The following EMID1 variants were observed in gnomAD, a reference collection of about 807,000 sequenced individuals.
The protein encoded by EMID1 is EMI domain-containing protein 1.
Under a neutral mutation model 60.6 loss-of-function variants are expected in EMID1, and 40 were observed. That is an observed-to-expected ratio of 0.66 (90% confidence interval 0.51 to 0.86). The LOEUF (loss-of-function observed/expected upper bound fraction) is 0.86. Among genes scored for constraint, EMID1 ranks in the 40% least tolerant of loss-of-function variants. The pLI is 0.00. For synonymous variants in EMID1, 242 were observed against 231.0 expected, an observed-to-expected ratio of 1.05 and a Z score of -0.43; for missense variants, 585 against 597.1, an observed-to-expected ratio of 0.98 and a Z score of 0.21.
At position 29,252,538 on chromosome 22, in the gene EMID1, C is replaced by G. The variant is rs145069032; in HGVS notation, c.1120-1665C>G. ...ATTCTGGAAATAGCTTTGGTCTGGA[C>G]TAGGAAAGAGGAAGGAGTGAGGGAG... On this transcript the variant is annotated intron_variant, in intron 13 of 14. Transcript: ENST00000334018. Among the ~76,000 whole-genome samples, 453 of 152,192 alleles carry G rather than the reference C, an allele frequency of 3.0e-3. 1 individual carries two copies. Among genetic ancestry groups the G allele is most frequent in the African/African-American group, 0.01 (433 of 41,518 alleles).
intron 13 of EMID1, among the ~76,000 whole-genome samples, chr22:29,246,889 G>A (rs2041349032): frequency 2.0e-5 from 3 of 152,190 alleles, no homozygotes; most frequent in Admixed American, 1.3e-4. Context: ...CTGGCCTCAA[G>A]TGATCCTCCT....
intron 12 of EMID1, among the ~76,000 whole-genome samples, chr22:29,235,711 G>A (rs2040921832): frequency 2.0e-5 from 3 of 149,830 alleles, no homozygotes; most frequent in South Asian, 4.2e-4. Flanking sequence ...GCACCATTGT[G>A]CCTGACTTAA....
intron 1 of EMID1, among the ~76,000 whole-genome samples, chr22:29,212,558 C>A (rs1056649674): frequency 6.7e-6 from 1 of 149,388 alleles, no homozygotes; most frequent in Non-Finnish European, 1.5e-5. Flanking sequence ...GTCTTCCCAT[C>A]TGTAATGTGG....
chr22:29,226,545 G>A lies in EMID1; in HGVS notation c.459G>A (p.Glu153=), dbSNP rs765764645. 7 of 1,611,886 alleles carry A rather than the reference G, an allele frequency of 4.3e-6. No individual in the cohort carries two copies. Among genetic ancestry groups the A allele is most frequent in the South Asian group, 1.1e-5 (1 of 90,766 alleles). Residue 153 remains glutamate, a synonymous_variant, in exon 5 of 15, where the codon GAG becomes GAA. Coordinates refer to ENST00000334018, the MANE Select transcript of EMID1 (RefSeq NM_133455.4). ...SELTERLKVL[E]AKMTMLTVIE... The stretch of plus-strand genomic sequence containing the variant: ...TGACAGAGCGGCTGAAGGTGCTGGA[G>A]GCCAAGGTGGGTGAGCAGCTCCCTC...
intron 5 of EMID1, among the ~76,000 whole-genome samples, chr22:29,229,624 CAA>C (rs777456287): frequency 2.3e-5 from 3 of 130,122 alleles, no homozygotes; most frequent in Non-Finnish European, 3.2e-5. Flanking sequence ...GCCTGGGCAA[CAA>C]GAGCAAAACT....
At chr22:29,240,303 T>C (rs1215220342) in intron 12 of EMID1, among the ~76,000 whole-genome samples, 2 of 152,196 alleles carry the variant, frequency 1.3e-5, no homozygotes. Flanking sequence ...GAAGTGGGTA[T>C]TTCGCTTCCT....
At chr22:29,226,069 G>A (rs1041099554) in intron 4 of EMID1, among the ~76,000 whole-genome samples, 5 of 151,976 alleles carry the variant, frequency 3.3e-5, no homozygotes, top group African/African-American at 1.2e-4. Flanking sequence ...CAAGTCACGC[G>A]GGACAGTAAG....
Position 29,232,328 on chromosome 22 carries a change from G to C in EMID1, c.749G>C (p.Gly250Ala). The change falls in exon 8 of 15, where the codon GGG becomes GCG. Residue 250 changes from glycine (G) to alanine (A), a missense_variant. Coordinates refer to ENST00000334018, the MANE Select transcript of EMID1 (RefSeq NM_133455.4). ...ACCCCTGGAGAGAGGGGACCTCCTG[G>C]GCCACCAGGGCCTCCTGGCCCCCCT... is the stretch of plus-strand genomic sequence containing the variant. Reference protein sequence around the residue: ...VGTPGERGPPGPPGPPGPPGP... With the variant: ...VGTPGERGPPAPPGPPGPPGP... 6.2e-7 allele frequency: 1 copy of C among 1,609,812 alleles called. No homozygotes were observed. The highest frequency in any genetic ancestry group is 8.5e-7 in the Non-Finnish European group (1 of 1,179,190).
intron 13 of EMID1, chr22:29,253,914 C>T: frequency 2.0e-6 from 2 of 985,466 alleles, no homozygotes; most frequent in Non-Finnish European, 2.4e-6. Flanking sequence ...TGAAGATTGG[C>T]TCCCCCTGCC....
intron 10 of EMID1, 71 bp downstream of exon 10, chr22:29,233,737 C>CTGTCCATCATCCACCCTTG (rs2040839265): frequency 1.4e-6 from 2 of 1,401,558 alleles, no homozygotes; most frequent in Non-Finnish European, 2.0e-6. Flanking sequence ...ATCCATACAT[C>CTGTCCATCATCCACCCTTG]TGTCCATCAT....
intron 12 of EMID1, among the ~76,000 whole-genome samples, chr22:29,242,028 A>G (rs548431995): frequency 1.3e-5 from 2 of 152,286 alleles, no homozygotes; most frequent in South Asian, 4.1e-4. Flanking sequence ...CTCCCACCTC[A>G]GCCTCCTGAG....
At chr22:29,229,013 C>G (rs953531221) in intron 5 of EMID1, among the ~76,000 whole-genome samples, 2 of 152,200 alleles carry the variant, frequency 1.3e-5, no homozygotes, top group African/African-American at 4.8e-5. Flanking sequence ...GGGCATTCAG[C>G]AGCCATTTAC....
At chr22:29,210,394 G>C (rs1230598814) in intron 1 of EMID1, among the ~76,000 whole-genome samples, 1 of 151,612 alleles carries the variant, frequency 6.6e-6, no homozygotes, top group African/African-American at 2.4e-5. Flanking sequence ...GCACCACCAT[G>C]CCTGGCTAAT....
intron 1 of EMID1, among the ~76,000 whole-genome samples, chr22:29,212,845 A>G (rs899513047): frequency 1.3e-5 from 2 of 152,208 alleles, no homozygotes; most frequent in African/African-American, 4.8e-5. Context: ...GATTACAGGC[A>G]TGAGCCACTG....
chr22:29,225,269 G>C, intron 4 of EMID1, 53 bp downstream of exon 4: 2 of 1,586,646 alleles, frequency 1.3e-6, no homozygotes, highest in South Asian at 2.2e-5. Flanking sequence ...GAGCCCTGGA[G>C]GGGGCTCAGG....
At chr22:29,219,235 C>T (rs947866446) in intron 3 of EMID1, among the ~76,000 whole-genome samples, 4 of 152,160 alleles carry the variant, frequency 2.6e-5, no homozygotes, top group Non-Finnish European at 5.9e-5. Context: ...GTTCAGACAG[C>T]TGGGATGCTG....
At chr22:29,215,801 C>A (rs966135319) in intron 3 of EMID1, among the ~76,000 whole-genome samples, 171 bp downstream of exon 3, 2 of 152,152 alleles carry the variant, frequency 1.3e-5, no homozygotes, top group Non-Finnish European at 2.9e-5. Context: ...CCCCCCTGCC[C>A]CCCACGGTGA....
Position 29,232,239 on chromosome 22 carries a change from G to A in EMID1, c.677-17G>A, listed in dbSNP as rs151003653. On this transcript the variant is annotated splice_polypyrimidine_tract_variant and intron_variant, in intron 7 of 14. Transcript: ENST00000334018. ...TTGCCTCCTGTATACCCACAAATCCGTGTGATTCCATTGCAGGTCCACAGG... is the reference window on the plus strand; with the variant it reads ...TTGCCTCCTGTATACCCACAAATCCATGTGATTCCATTGCAGGTCCACAGG... The A allele has an allele frequency of 7.9e-5, 127 of 1,611,540 alleles. 1 individual carries two copies. The highest frequency in any genetic ancestry group is 1.9e-4 in the Middle Eastern group (1 of 5,172).
At chr22:29,209,159 G>A (rs1048736134) in intron 1 of EMID1, among the ~76,000 whole-genome samples, 2 of 152,208 alleles carry the variant, frequency 1.3e-5, no homozygotes, top group African/African-American at 2.4e-5. Flanking sequence ...GTTCCGGATC[G>A]CAGCCCTGGG....
Sources: gnomAD v4.1 joint callset for allele counts (sites outside exome capture counted in the v4.1 genomes callset) on GRCh38, gnomAD v4.1.1 for gene constraint, MANE v1.5 for transcripts, NCBI Gene and HGNC (gene_info 2026-07-23, HGNC 2026-07-21) for gene names.